Variants in SAP30BP observed in about 807,000 individuals in gnomAD.
SAP30BP encodes SAP30 binding protein, also known as SAP30-binding protein.
A neutral mutation model predicts 46.3 loss-of-function variants in SAP30BP; 31 were observed. The ratio of observed to expected loss-of-function variants is 0.67; its 90% CI spans 0.50 to 0.90. The LOEUF (loss-of-function observed/expected upper bound fraction) is 0.90. Ranked by LOEUF, SAP30BP falls within the 40% of genes least tolerant of loss-of-function variation. The probability of loss-of-function intolerance (pLI) is 0.00; values close to 1 mark genes in which losing one functional copy is unlikely to be tolerated. For synonymous variants in SAP30BP, 169 were observed against 144.2 expected (o/e 1.17, Z -1.23); for missense variants, 312 against 391.0 (o/e 0.80, Z 1.70).
chr17:75,673,596 G>A (rs569406133), intron 3 of SAP30BP, among the ~76,000 whole-genome samples: 1 of 152,280 alleles, frequency 6.6e-6, no homozygotes, highest in African/African-American at 2.4e-5. Context: ...GAAGTTGGCT[G>A]GAGAGGAGGG....
At chr17:75,705,014 G>A (rs368235788) in intron 9 of SAP30BP, 200 bp downstream of exon 9, 33 of 583,276 alleles carry the variant, frequency 5.7e-5, no homozygotes, top group East Asian at 3.5e-4. Context: ...TTTTGCCCTC[G>A]GAGACTTGTT....
chr17:75,706,865 T>G lies in SAP30BP; in HGVS notation c.*344T>G. The G allele has an allele frequency of 3.5e-6, 1 of 289,736 alleles. No individual in the cohort carries two copies. Among genetic ancestry groups the G allele is most frequent in the African/African-American group, 2.1e-5 (1 of 47,210 alleles). The allele number at this position is 289,736 out of a possible 1,614,324, so 17.9% of individuals were successfully genotyped here. On this transcript the variant is annotated 3_prime_UTR_variant, in exon 11 of 11. Coordinates refer to ENST00000584667, the MANE Select transcript of SAP30BP (RefSeq NM_013260.8). The surrounding 1 kb of genome is among the most constrained non-coding windows in gnomAD (Gnocchi z 4.6). ...AATAGTCTTGGTTGGGACTATTGCC[T>G]CAGGGTTGACAACAGGGTGATGGAG...
At chr17:75,681,206 T>TA (rs768233676) in intron 3 of SAP30BP, among the ~76,000 whole-genome samples, 22 of 152,354 alleles carry the variant, frequency 1.4e-4, no homozygotes, top group Non-Finnish European at 2.4e-4. Context: ...ACAGTTTTGT[T>TA]AAATATCCTG....
At chr17:75,667,774 C>T (rs1411426369) in intron 1 of SAP30BP, among the ~76,000 whole-genome samples, 1 of 152,228 alleles carries the variant, frequency 6.6e-6, no homozygotes, top group East Asian at 1.9e-4. Context: ...CCTGTTTCCC[C>T]TGGGCTCGTT....
intron 4 of SAP30BP, among the ~76,000 whole-genome samples, chr17:75,696,943 A>G (rs1228832234): frequency 6.6e-6 from 1 of 151,576 alleles, no homozygotes; most frequent in East Asian, 1.9e-4. Context: ...ACACTTGGCT[A>G]AATTTTTGTA....
rs1348070783 is a variant in SAP30BP at position 75,706,606 on chromosome 17, G to A, written c.*85G>A. On this transcript the variant is annotated 3_prime_UTR_variant, in exon 11 of 11. Coordinates refer to ENST00000584667, the MANE Select transcript of SAP30BP (RefSeq NM_013260.8). This position sits in a 1 kb window ranked among gnomAD's most constrained non-coding sequence, Gnocchi z 4.6. ...GGAGGCGCCACTTTGTATATTTCAG[G>A]ACTGGGACCTACTCCCCAGATGCCA... The A allele has an allele frequency of 6.2e-6, 8 of 1,289,104 alleles. No homozygotes were observed. The highest frequency in any genetic ancestry group is 8.8e-6 in the Non-Finnish European group (8 of 912,784). The allele number at this position is 1,289,104 out of a possible 1,614,324, so 79.9% of individuals were successfully genotyped here.
At position 75,699,820 on chromosome 17, in the gene SAP30BP, T is replaced by G; in HGVS notation, c.345T>G (p.Asp115Glu). Residue 115 changes from aspartate (D) to glutamate (E), a missense_variant, in exon 5 of 11, where the codon GAT (aspartate) becomes GAG (glutamate). Around this residue, in one of 2 missense-constraint regions of SAP30BP, gnomAD observed 296 missense variants for 346.6 expected, o/e 0.85. Coordinates refer to ENST00000584667, the MANE Select transcript of SAP30BP (RefSeq NM_013260.8). ...AAAGAGTTCGGAACATGTCGCCTGATGAAATCAAGATCCCGCCAGAACCCC... is the reference window on the plus strand; with the variant it reads ...AAAGAGTTCGGAACATGTCGCCTGAGGAAATCAAGATCCCGCCAGAACCCC... ...FSERVRNMSP[D>E]EIKIPPEPPG... 1 of 1,613,722 alleles carries G rather than the reference T, an allele frequency of 6.2e-7. No individual in the cohort carries two copies. The highest frequency in any genetic ancestry group is 8.5e-7 in the Non-Finnish European group (1 of 1,179,680).
Position 75,707,356 on chromosome 17 carries a change from T to G in SAP30BP, c.*835T>G, listed in dbSNP as rs2060513380. Reference sequence around the variant, plus strand: ...GCCACCCCACCCTTCCTCTGTGTGTTATCTCTGCCCCACAGCAGCCCCTGG... The same window carrying G: ...GCCACCCCACCCTTCCTCTGTGTGTGATCTCTGCCCCACAGCAGCCCCTGG... On this transcript the variant is annotated 3_prime_UTR_variant, in exon 11 of 11. Coordinates refer to ENST00000584667, the MANE Select transcript of SAP30BP (RefSeq NM_013260.8). The G allele has an allele frequency of 6.5e-6, 1 of 152,684 alleles. No individual in the cohort carries two copies. Among genetic ancestry groups the G allele is most frequent in the Non-Finnish European group, 1.5e-5 (1 of 68,106 alleles). The allele number at this position is 152,684 out of a possible 1,614,324, so 9.5% of individuals were successfully genotyped here.
intron 3 of SAP30BP, among the ~76,000 whole-genome samples, chr17:75,689,600 C>T (rs779338450): frequency 3.3e-5 from 5 of 152,200 alleles, no homozygotes; most frequent in Non-Finnish European, 5.9e-5. Flanking sequence ...CTGATGTAGA[C>T]AGATGCCTGG....
chr17:75,691,653 G>T (rs2060244049), intron 3 of SAP30BP: 6 of 368,866 alleles, frequency 1.6e-5, no homozygotes, highest in Non-Finnish European at 3.2e-5. Context: ...TCCATGAGAA[G>T]GGGTGGGTGT....
At chr17:75,683,462 G>A (rs2060115040) in intron 3 of SAP30BP, 1 of 152,036 alleles carries the variant, frequency 6.6e-6, no homozygotes, top group Non-Finnish European at 1.5e-5. Context: ...TAGCCCCACA[G>A]ATTTTCACAT....
intron 3 of SAP30BP, chr17:75,692,587 G>A: frequency 3.5e-6 from 3 of 862,480 alleles, no homozygotes; most frequent in Non-Finnish European, 4.2e-6. Flanking sequence ...TGTGACGGAG[G>A]GCTTGGACCG....
intron 3 of SAP30BP, among the ~76,000 whole-genome samples, chr17:75,674,659 T>C (rs1480295266): frequency 1.3e-5 from 2 of 151,722 alleles, no homozygotes; most frequent in Non-Finnish European, 2.9e-5. Flanking sequence ...TTTTGGACAT[T>C]CTGCTTTAAG....
At chr17:75,676,048 G>A (rs772648179) in intron 3 of SAP30BP, among the ~76,000 whole-genome samples, 1 of 152,182 alleles carries the variant, frequency 6.6e-6, no homozygotes, top group Non-Finnish European at 1.5e-5. Context: ...TGGCTTAATA[G>A]AATATGGCTG....
At position 75,706,338 on chromosome 17, in the gene SAP30BP, A is replaced by G; in HGVS notation, c.746-2A>G. ...TGATCCTGATTTCTGCTTTATCTCC[A>G]GATGCTCAGAAGAGAAAGAGCAAGT... is the stretch of plus-strand genomic sequence containing the variant. On this transcript the variant is annotated splice_acceptor_variant, in intron 10 of 10. Transcript: ENST00000584667. LOFTEE classifies it high-confidence loss of function. The surrounding 1 kb of genome is among the most constrained non-coding windows in gnomAD (Gnocchi z 4.6). 1.2e-6 allele frequency: 2 copies of G among 1,612,326 alleles called. No homozygotes were observed. Among genetic ancestry groups the G allele is most frequent in the Non-Finnish European group, 1.7e-6 (2 of 1,179,492 alleles).
In SAP30BP at chr17:75,699,841, A is replaced by G; in HGVS notation, c.366A>G (p.Glu122=). Residue 122 remains glutamate, a synonymous_variant, in exon 5 of 11, where the codon GAA becomes GAG. Transcript: ENST00000584667. ...CTGATGAAATCAAGATCCCGCCAGAACCCCCTGGCAGATGTTCAAATCACT... is the reference window on the plus strand; with the variant it reads ...CTGATGAAATCAAGATCCCGCCAGAGCCCCCTGGCAGATGTTCAAATCACT... ...MSPDEIKIPP[E]PPGRCSNHLQ... is the part of the protein sequence containing the mutation. 1 of 1,613,128 alleles carries G rather than the reference A, an allele frequency of 6.2e-7. No individual in the cohort carries two copies. Among genetic ancestry groups the G allele is most frequent in the Non-Finnish European group, 8.5e-7 (1 of 1,179,236 alleles).
intron 3 of SAP30BP, chr17:75,672,214 G>A (rs2059917371): frequency 7.4e-6 from 2 of 269,390 alleles, no homozygotes; most frequent in Non-Finnish European, 7.4e-6. Flanking sequence ...CCAGGAAGGT[G>A]TAAGGGCCGC....
chr17:75,702,646 G>A, intron 6 of SAP30BP, 75 bp downstream of exon 6: 1 of 694,248 alleles, frequency 1.4e-6, no homozygotes. Flanking sequence ...CCCCAAGGAG[G>A]TGGTGAGGAA....
intron 6 of SAP30BP, 71 bp downstream of exon 6, chr17:75,702,642 G>A (rs1384084603): frequency 4.2e-6 from 3 of 716,354 alleles, no homozygotes; most frequent in Non-Finnish European, 7.2e-6. Flanking sequence ...ACGTCCCCAA[G>A]GAGGTGGTGA....
Sources: gnomAD v4.1 joint callset for allele counts (sites outside exome capture counted in the v4.1 genomes callset) on GRCh38, gnomAD v4.1.1 for gene constraint, gnomAD v4.1.1 regional missense constraint, Gnocchi (gnomAD v3.1) non-coding constraint, MANE v1.5 for transcripts, NCBI Gene and HGNC (gene_info 2026-07-23, HGNC 2026-07-21) for gene names.